Variants in C2orf78 observed in about 807,000 individuals in gnomAD.
C2orf78 encodes the protein chromosome 2 open reading frame 78, also known as uncharacterized protein C2orf78.
Under a neutral mutation model 21.4 loss-of-function variants are expected in C2orf78, and 12 were observed. That is an observed-to-expected ratio of 0.56 (90% CI 0.36 to 0.91). The LOEUF (loss-of-function observed/expected upper bound fraction) is 0.91, where lower values mean the gene tolerates loss of function less well. Ranked by LOEUF, C2orf78 falls within the 40% of genes least tolerant of loss-of-function variation. The pLI, the probability that C2orf78 is intolerant of heterozygous loss-of-function variation, is 0.01. For synonymous variants in C2orf78, 396 were observed against 413.9 expected (o/e 0.96, Z 0.52); for missense variants, 1,042 against 1,092.4 (o/e 0.95, Z 0.65).
At chr2:73,814,115 A>G in exon 2 of C2orf78, 1 of 1,612,870 alleles carries the variant, frequency 6.2e-7, no homozygotes. Flanking sequence ...TCAACCAGAA[A>G]TGGTGATGGT....
At chr2:73,815,735 T>G in exon 3 of C2orf78, 1 of 1,613,448 alleles carries the variant, frequency 6.2e-7, no homozygotes, top group Non-Finnish European at 8.5e-7. Context: ...AGAACAAGCA[T>G]AAAGCTTCCG....
chr2:73,809,537 T>C (rs927804206), intron 1 of C2orf78, among the ~76,000 whole-genome samples: 8 of 151,980 alleles, frequency 5.3e-5, no homozygotes, highest in African/African-American at 1.5e-4. Context: ...GCAATGTCAA[T>C]GCTTTGGGAG....
chr2:73,785,521 T>C (rs888064464), intron 1 of C2orf78, among the ~76,000 whole-genome samples: 1 of 145,748 alleles, frequency 6.9e-6, no homozygotes, highest in African/African-American at 2.6e-5. Flanking sequence ...AAAAAATATA[T>C]TTTAAATTTG....
At chr2:73,815,737 A>G (rs1367117604) in exon 3 of C2orf78, 6 of 1,613,474 alleles carry the variant, frequency 3.7e-6, no homozygotes. Flanking sequence ...AACAAGCATA[A>G]AGCTTCCGAG....
chr2:73,809,957 G>A (rs1673042754), intron 1 of C2orf78, among the ~76,000 whole-genome samples: 1 of 151,792 alleles, frequency 6.6e-6, no homozygotes, highest in Middle Eastern at 3.2e-3. Context: ...TTCCCCTTGG[G>A]ATATGCCCTG....
intron 1 of C2orf78, among the ~76,000 whole-genome samples, chr2:73,810,928 A>G (rs1319693636): frequency 1.4e-5 from 2 of 142,726 alleles, no homozygotes; most frequent in Non-Finnish European, 3.0e-5. Context: ...TGTATATTAT[A>G]TAATATAAAT....
intron 1 of C2orf78, among the ~76,000 whole-genome samples, chr2:73,813,003 G>C (rs1673118931): frequency 6.6e-6 from 1 of 152,140 alleles, no homozygotes; most frequent in African/African-American, 2.4e-5. Context: ...AAGACTCCTG[G>C]CAAGGAAGTC....
At chr2:73,810,651 T>C (rs1344161704) in intron 1 of C2orf78, among the ~76,000 whole-genome samples, 5 of 135,258 alleles carry the variant, frequency 3.7e-5, no homozygotes, top group African/African-American at 1.1e-4. Context: ...ATTTTATGTA[T>C]ATATCTATAA....
intron 1 of C2orf78, among the ~76,000 whole-genome samples, chr2:73,786,247 G>A (rs1672931199): frequency 6.6e-6 from 1 of 151,580 alleles, no homozygotes; most frequent in Non-Finnish European, 1.5e-5. Flanking sequence ...GGGTGTGGTG[G>A]CGTGCACCTG....
chr2:73,784,193 C>A lies in C2orf78; in HGVS notation c.-117C>A, dbSNP rs574215119. 6.0e-6 allele frequency: 9 copies of A among 1,496,334 alleles called. No homozygotes were observed. In the South Asian group the frequency reaches 1.1e-4, roughly 18 times the overall value. 92.7% of individuals were successfully genotyped at this position (1,496,334 alleles called of 1,614,324 possible). A position where few individuals can be genotyped will look rare whatever the true frequency, so the allele number is the denominator to read the frequency against. The stretch of plus-strand genomic sequence containing the variant: ...CTGCTTTGTGACATCATTCTCCCAC[C>A]AAACCGACCACCACCTGGTAGCATC... On this transcript the variant is annotated 5_prime_UTR_variant, in exon 1 of 3. Coordinates refer to ENST00000409561, the Ensembl canonical transcript of C2orf78.
At chr2:73,814,042 T>C in exon 2 of C2orf78, 1 of 1,613,926 alleles carries the variant, frequency 6.2e-7, no homozygotes, top group South Asian at 1.1e-5. Flanking sequence ...CACTGGGGCC[T>C]CAACTATCCT....
exon 3 of C2orf78, chr2:73,815,664 A>C (rs780052547): frequency 6.2e-7 from 1 of 1,613,966 alleles, no homozygotes; most frequent in Non-Finnish European, 8.5e-7. Flanking sequence ...CAGTGCCATC[A>C]AGGTAAATCA....
chr2:73,807,073 C>T (rs577978646), intron 1 of C2orf78, among the ~76,000 whole-genome samples: 3 of 144,188 alleles, frequency 2.1e-5, no homozygotes, highest in African/African-American at 8.3e-5. Context: ...CCCAGCTACT[C>T]GGGAGACTAA....
rs771119908 is a variant in C2orf78 at position 73,815,403 on chromosome 2, G to A, written c.1180G>A (p.Asp394Asn). 8.7e-6 allele frequency: 14 copies of A among 1,613,674 alleles called. 1 individual carries two copies. Among genetic ancestry groups the A allele is most frequent in the South Asian group, 5.5e-5 (5 of 91,070 alleles). The change falls in exon 3 of 3, where the codon GAT becomes AAT. Residue 394 changes from aspartate to asparagine, a missense_variant. Physicochemically the swap from Asp to Asn is conservative, Grantham distance 23. This residue lies in a region of C2orf78 where 1,039 missense variants were observed against 1,069.7 expected (regional missense o/e 0.97). Transcript: ENST00000409561. ...TCCACTACTTCCTGTAGAAATCCCC[G>A]ATATTCACCCGCTTCTGGCCTGCAT...
At chr2:73,810,388 A>G (rs2103980073) in intron 1 of C2orf78, among the ~76,000 whole-genome samples, 1 of 151,730 alleles carries the variant, frequency 6.6e-6, no homozygotes, top group East Asian at 1.9e-4. Flanking sequence ...TTAGCCGGGC[A>G]TGGTGGCACA....
intron 1 of C2orf78, among the ~76,000 whole-genome samples, chr2:73,812,898 A>T (rs759799489): frequency 2.6e-5 from 4 of 152,168 alleles, no homozygotes; most frequent in Non-Finnish European, 4.4e-5. Flanking sequence ...GACACTAAGG[A>T]TTATAAAGGT....
Position 73,815,351 on chromosome 2 carries a change from C to T in C2orf78, c.1128C>T (p.His376=), listed in dbSNP as rs145932366. 8.0e-4 allele frequency: 1,295 copies of T among 1,613,968 alleles called. 11 individuals carry two copies. The African/African-American group carries it at 0.014, about 18-fold the overall frequency. Residue 376 remains histidine (H), a synonymous_variant, in exon 3 of 3, where the codon CAC becomes CAT. Coordinates refer to ENST00000409561, the Ensembl canonical transcript of C2orf78. The stretch of plus-strand genomic sequence containing the variant: ...ACCTTTCAAAGCCTCTAGATGTCCA[C>T]CAGATCCTAATAGGAAATCAAGATC...
chr2:73,808,393 T>G (rs1183236308), intron 1 of C2orf78, among the ~76,000 whole-genome samples: 2 of 151,246 alleles, frequency 1.3e-5, no homozygotes, highest in African/African-American at 4.9e-5. Flanking sequence ...TACTGTATAA[T>G]TATAAATGCA....
Position 73,807,107 on chromosome 2 carries a change from G to A in C2orf78, c.98-6370G>A, listed in dbSNP as rs1459035429. On this transcript the variant is annotated intron_variant, in intron 1 of 2. Transcript: ENST00000409561. ...AAGGCACGAGAATGGTGTGAACCTG[G>A]GAGGCAGAGCTTGAAGCTAGCAGAG... Among the ~76,000 whole-genome samples, 3 of 142,242 alleles carry A rather than the reference G, an allele frequency of 2.1e-5. 1 individual carries two copies. The highest frequency in any genetic ancestry group is 8.4e-5 in the African/African-American group (3 of 35,532). 93.3% of individuals were successfully genotyped at this position (142,242 alleles called of 152,430 possible).
Sources: gnomAD v4.1 joint callset for allele counts (sites outside exome capture counted in the v4.1 genomes callset) on GRCh38, gnomAD v4.1.1 for gene constraint, gnomAD v4.1.1 regional missense constraint, MANE v1.5 for transcripts, NCBI Gene and HGNC (gene_info 2026-07-23, HGNC 2026-07-21) for gene names.